The following MIA2 variants were observed in gnomAD, a reference collection of about 807,000 sequenced individuals.
MIA2 encodes the protein MIA SH3 domain ER export factor 2, also known as melanoma inhibitory activity protein 2.
Under a neutral mutation model 167.8 loss-of-function variants are expected in MIA2, and 127 were observed. That is an observed-to-expected ratio of 0.76 (90% CI 0.66 to 0.88). MIA2 has a LOEUF of 0.88. Among genes scored for constraint, MIA2 ranks in the 40% least tolerant of loss-of-function variants. The pLI is 0.00. For synonymous variants in MIA2, 552 were observed against 541.9 expected, an observed-to-expected ratio of 1.02 and a Z score of -0.26; for missense variants, 1,690 against 1,624.7, an observed-to-expected ratio of 1.04 and a Z score of -0.69.
chr14:39,272,629 G>A (rs1440400042), intron 6 of MIA2, among the ~76,000 whole-genome samples: 1 of 152,198 alleles, frequency 6.6e-6, no homozygotes, highest in Non-Finnish European at 1.5e-5. Flanking sequence ...GTTGGGCAAG[G>A]TGGCATGTGC....
intron 18 of MIA2, among the ~76,000 whole-genome samples, chr14:39,311,814 A>G (rs916979152): frequency 3.8e-5 from 5 of 130,778 alleles, no homozygotes; most frequent in Admixed American, 3.2e-4. Flanking sequence ...TTAAATATAT[A>G]TGATGGTTTT....
At chr14:39,349,089 A>G (rs1027357755) in intron 28 of MIA2, 112 bp downstream of exon 28, 23 of 1,287,126 alleles carry the variant, frequency 1.8e-5, no homozygotes, top group Admixed American at 1.0e-4. Flanking sequence ...TTTTTCTAGC[A>G]TTCTGTGAAT....
chr14:39,290,328 A>AT lies in MIA2; in HGVS notation c.2131-680dup, dbSNP rs900875307. 2.2e-3 allele frequency among the ~76,000 whole-genome samples: 315 copies of AT among 145,776 alleles called. 1 individual carries two copies. Among genetic ancestry groups the AT allele is most frequent in the Middle Eastern group, 7.1e-3 (2 of 282 alleles). ...CTCTGAGGCTTTCAGACAGATATAT[A>AT]TTTTTTTTTTTGGTATTTTTTGTCA... is the stretch of plus-strand genomic sequence containing the variant. On this transcript the variant is annotated intron_variant, in intron 9 of 28. Coordinates refer to ENST00000640607, the MANE Select transcript of MIA2 (RefSeq NM_001329214.4).
chr14:39,249,649 G>GT (rs1376546148), intron 4 of MIA2, among the ~76,000 whole-genome samples: 1 of 152,120 alleles, frequency 6.6e-6, no homozygotes, highest in African/African-American at 2.4e-5. Flanking sequence ...AGATGTCCAG[G>GT]TATCTAGCAA....
chr14:39,285,543 A>G (rs1185695055), intron 9 of MIA2, among the ~76,000 whole-genome samples: 5 of 130,726 alleles, frequency 3.8e-5, no homozygotes, highest in Admixed American at 7.5e-5. Context: ...TCCCTCCCGG[A>G]CGGGATGGCT....
At chr14:39,285,781 C>T (rs1475018830) in intron 9 of MIA2, among the ~76,000 whole-genome samples, 8 of 141,190 alleles carry the variant, frequency 5.7e-5, no homozygotes, top group Non-Finnish European at 1.3e-4. Context: ...GGCTGCCGGG[C>T]GGAGGGGCTC....
In MIA2 at chr14:39,247,465, G is replaced by T. The variant is rs2054362875; in HGVS notation, c.891G>T (p.Glu297Asp). The T allele has an allele frequency of 6.2e-7, 1 of 1,613,916 alleles. No individual in the cohort carries two copies. The highest frequency in any genetic ancestry group is 1.1e-5 in the South Asian group (1 of 91,046). Residue 297 changes from glutamate to aspartate, a missense_variant, in exon 4 of 29, where the codon GAG becomes GAT. Transcript: ENST00000640607. Reference protein sequence around the residue: ...VPKTQSELASESEHIPKPQST... With the variant: ...VPKTQSELASDSEHIPKPQST... ...AGACACAGTCTGAACTAGCATCTGA[G>T]TCAGAGCACATTCCCAAACCTCAAT...
chr14:39,277,742 A>ATG lies in MIA2; in HGVS notation c.2019+683_2019+684dup, dbSNP rs1447936316. On this transcript the variant is annotated intron_variant, in intron 7 of 28. Coordinates refer to ENST00000640607, the MANE Select transcript of MIA2 (RefSeq NM_001329214.4). Reference sequence around the variant, plus strand: ...TGTGTATATATATATATATATATATATGTGTGTATATATATATATATATAT... The same window carrying ATG: ...TGTGTATATATATATATATATATATATGTGTGTGTATATATATATATATATAT... Among the ~76,000 whole-genome samples, 17 of 2,630 alleles carry ATG rather than the reference A, an allele frequency of 6.5e-3. 4 individuals carry two copies. Among genetic ancestry groups the ATG allele is most frequent in the South Asian group, 0.044 (3 of 68 alleles). The allele number at this position is 2,630 out of a possible 152,430, so 1.7% of individuals were successfully genotyped here. A position where few individuals can be genotyped will look rare whatever the true frequency, so the allele number is the denominator to read the frequency against.
chr14:39,272,748 C>G (rs377099591), intron 6 of MIA2, among the ~76,000 whole-genome samples: 1 of 152,184 alleles, frequency 6.6e-6, no homozygotes, highest in South Asian at 2.1e-4. Context: ...GGGTGACAGA[C>G]TCAGTCCCTG....
At chr14:39,386,761 G>A in intron 23 of MIA2, 1 of 1,341,066 alleles carries the variant, frequency 7.5e-7, no homozygotes, top group Non-Finnish European at 1.1e-6. Context: ...TCCTCTAACT[G>A]AAATGCCCGC....
chr14:39,240,777 T>A, intron 3 of MIA2, 130 bp downstream of exon 3: 1 of 573,688 alleles, frequency 1.7e-6, no homozygotes, highest in South Asian at 2.4e-5. Flanking sequence ...CCTGAGAACT[T>A]ACTCTAGGAA....
intron 25 of MIA2, among the ~76,000 whole-genome samples, chr14:39,328,759 A>G (rs1323018075): frequency 1.3e-5 from 2 of 152,162 alleles, no homozygotes; most frequent in African/African-American, 4.8e-5. Flanking sequence ...CAGGTTTGTC[A>G]AAGATCAGTT....
intron 10 of MIA2, among the ~76,000 whole-genome samples, chr14:39,292,991 T>C (rs912777790): frequency 1.1e-4 from 17 of 152,308 alleles, no homozygotes; most frequent in Admixed American, 2.6e-4. Context: ...ACAGCCATGC[T>C]CATTTATGTA....
chr14:39,366,939 A>G (rs1418968145), intron 23 of MIA2, among the ~76,000 whole-genome samples: 2 of 152,100 alleles, frequency 1.3e-5, no homozygotes, highest in African/African-American at 4.8e-5. Flanking sequence ...AGTGTGTGCA[A>G]GTGCATGGCC....
At chr14:39,315,386 T>TCAACAGTG in intron 20 of MIA2, 1 of 251,450 alleles carries the variant, frequency 4.0e-6, no homozygotes, top group Non-Finnish European at 7.4e-6. Flanking sequence ...TAAATGTGTA[T>TCAACAGTG]CAACAGTGGG....
chr14:39,309,643 A>G (rs1474977296), intron 18 of MIA2, among the ~76,000 whole-genome samples: 1 of 152,104 alleles, frequency 6.6e-6, no homozygotes, highest in Non-Finnish European at 1.5e-5. Context: ...ATTTTGCCTC[A>G]TGGCTCTTAT....
At chr14:39,343,054 A>T (rs1454640246) in intron 25 of MIA2, among the ~76,000 whole-genome samples, 2 of 152,188 alleles carry the variant, frequency 1.3e-5, no homozygotes, top group Non-Finnish European at 2.9e-5. Context: ...ACAGTGCTGC[A>T]GCTAGCACCC....
rs17855896 is a variant in MIA2, at chr14:39,294,972, G to C, written c.2439G>C (p.Lys813Asn). Residue 813 changes from lysine to asparagine, a missense_variant, in exon 13 of 29, where the codon AAG becomes AAC. Physicochemically the swap from Lys to Asn is moderately conservative, Grantham distance 94. Transcript: ENST00000640607. ...KIFQMNEERLKIAIKDALNEN... is the reference protein window; with the variant it reads ...KIFQMNEERLNIAIKDALNEN... Reference sequence around the variant, plus strand: ...TTCAAATGAATGAAGAACGACTGAAGATAGCAATAAAAGATGCTTTGAATG... The same window carrying C: ...TTCAAATGAATGAAGAACGACTGAACATAGCAATAAAAGATGCTTTGAATG... 91,951 of 1,612,860 alleles carry C rather than the reference G, an allele frequency of 0.057. 3,070 individuals are homozygous for C. The highest frequency in any genetic ancestry group is 0.067 in the Non-Finnish European group (78,685 of 1,179,002).
intron 9 of MIA2, among the ~76,000 whole-genome samples, chr14:39,286,163 C>T (rs906978993): frequency 2.6e-5 from 4 of 152,270 alleles, no homozygotes; most frequent in Non-Finnish European, 5.9e-5. Context: ...ACGTTGAGCA[C>T]TGAGTGAACG....
Sources: allele counts gnomAD v4.1 joint callset (sites outside exome capture counted in the v4.1 genomes callset), GRCh38; gene constraint gnomAD v4.1.1; transcripts MANE v1.5; gene names NCBI Gene and HGNC (gene_info 2026-07-23, HGNC 2026-07-21).